FAAH2: variants seen among roughly 807,000 people sequenced by gnomAD.
FAAH2 encodes the protein fatty acid amide hydrolase 2.
In FAAH2, 60 loss-of-function variants were observed where a neutral mutation model predicts 36.9. The observed-to-expected ratio is 1.63, with a 90% CI of 1.32 to 2.02. The LOEUF is 2.02. Ranked by LOEUF, FAAH2 falls within the 30% of genes most tolerant of loss-of-function variation. The pLI is 0.00. For synonymous variants in FAAH2, 214 were observed against 143.8 expected, an observed-to-expected ratio of 1.49 and a Z score of -3.49; for missense variants, 689 against 397.5, an observed-to-expected ratio of 1.73 and a Z score of -6.23.
intron 10 of FAAH2, among the ~76,000 whole-genome samples, chrX:57,475,411 T>A (rs747071105): frequency 8.9e-6 from 1 of 112,427 alleles, no homozygotes; most frequent in East Asian, 2.8e-4. Flanking sequence ...TTTCTGCATA[T>A]GGCTAGCCAG....
chrX:57,195,172 T>G, the FAAH2 span, among the ~76,000 whole-genome samples: 2 of 112,206 alleles, frequency 1.8e-5, no homozygotes, highest in African/African-American at 6.5e-5. Context: ...TTTTAGTTCT[T>G]TATGGAATTT....
chrX:57,271,892 C>T, the FAAH2 span, among the ~76,000 whole-genome samples: 1 of 110,521 alleles, frequency 9.0e-6, no homozygotes. Context: ...CAAAACTGGA[C>T]AGAGAATGCA....
chrX:57,166,481 G>T, the FAAH2 span, among the ~76,000 whole-genome samples: 2 of 111,705 alleles, frequency 1.8e-5, no homozygotes, highest in African/African-American at 6.5e-5. Context: ...TCCCCCTAAG[G>T]GTATACCGAG....
the FAAH2 span, among the ~76,000 whole-genome samples, chrX:57,182,983 C>A: frequency 9.1e-6 from 1 of 110,122 alleles, no homozygotes. Context: ...TAAGTGGAAG[C>A]TAAATGATGA....
At chrX:57,240,887 A>C in the FAAH2 span, among the ~76,000 whole-genome samples, 1 of 112,303 alleles carries the variant, frequency 8.9e-6, no homozygotes, top group Non-Finnish European at 1.9e-5. Flanking sequence ...AGATAGGGGG[A>C]TGCTCAGATC....
At chrX:57,207,866 C>G in the FAAH2 span, among the ~76,000 whole-genome samples, 44 of 112,966 alleles carry the variant, frequency 3.9e-4, no homozygotes, top group African/African-American at 1.3e-3. Flanking sequence ...ACACTACTGG[C>G]TGTGTCAGGG....
intron 10 of FAAH2, among the ~76,000 whole-genome samples, chrX:57,471,333 A>G (rs933124373): frequency 1.8e-5 from 2 of 112,099 alleles, no homozygotes; most frequent in African/African-American, 6.5e-5. Flanking sequence ...ACAAGATTGT[A>G]AATCTAGAAA....
At chrX:57,384,478 G>GA (rs1275606618) in intron 7 of FAAH2, among the ~76,000 whole-genome samples, 2 of 108,660 alleles carry the variant, frequency 1.8e-5, no homozygotes, top group Non-Finnish European at 3.8e-5. Context: ...AAATTTACAA[G>GA]AAAAAAACAA....
At chrX:57,357,562 G>T (rs377064635) in intron 5 of FAAH2, among the ~76,000 whole-genome samples, 1 of 111,964 alleles carries the variant, frequency 8.9e-6, no homozygotes, top group East Asian at 2.8e-4. Context: ...AGACATTTAT[G>T]CAGACAACAA....
chrX:57,309,240 T>A (rs899614195), intron 2 of FAAH2, among the ~76,000 whole-genome samples: 4 of 111,899 alleles, frequency 3.6e-5, no homozygotes, highest in African/African-American at 1.3e-4. Flanking sequence ...GCTGTAATTA[T>A]GTCCATTATA....
intron 9 of FAAH2, among the ~76,000 whole-genome samples, chrX:57,447,743 T>TA (rs34065027): frequency 9.1e-6 from 1 of 110,117 alleles, no homozygotes; most frequent in Non-Finnish European, 1.9e-5. Flanking sequence ...GTCCCTGGGC[T>TA]CACACAGCAA....
At chrX:57,387,424 T>C (rs2055052711) in intron 7 of FAAH2, among the ~76,000 whole-genome samples, 1 of 110,254 alleles carries the variant, frequency 9.1e-6, no homozygotes, top group Non-Finnish European at 1.9e-5. Flanking sequence ...ACGATGAAAA[T>C]GAGAAAAACC....
chrX:57,464,116 T>C (rs1052960940), intron 10 of FAAH2, among the ~76,000 whole-genome samples: 4 of 111,804 alleles, frequency 3.6e-5, no homozygotes, highest in Admixed American at 9.5e-5. Flanking sequence ...GGGACTTGGA[T>C]GAAGCTGGAA....
At chrX:57,224,674 C>T in the FAAH2 span, among the ~76,000 whole-genome samples, 3 of 112,373 alleles carry the variant, frequency 2.7e-5, no homozygotes, top group East Asian at 2.8e-4. Context: ...GTAGCAGTTA[C>T]GTCAGACCAG....
the FAAH2 span, among the ~76,000 whole-genome samples, chrX:57,265,789 C>A: frequency 2.7e-5 from 3 of 111,674 alleles, no homozygotes; most frequent in African/African-American, 9.8e-5. Flanking sequence ...AGAGCCCAAG[C>A]CAACCTGGGG....
intron 10 of FAAH2, among the ~76,000 whole-genome samples, chrX:57,475,618 A>G (rs2057252109): frequency 9.0e-6 from 1 of 111,721 alleles, no homozygotes; most frequent in African/African-American, 3.3e-5. Flanking sequence ...GTTTTAAGTC[A>G]GGTAGCATGA....
the FAAH2 span, among the ~76,000 whole-genome samples, chrX:57,150,216 C>T: frequency 8.9e-6 from 1 of 111,901 alleles, no homozygotes; most frequent in African/African-American, 3.3e-5. Context: ...TGATGTGGTG[C>T]TGAAAAGAAT....
chrX:57,243,082 A>G, the FAAH2 span, among the ~76,000 whole-genome samples: 90 of 111,427 alleles, frequency 8.1e-4, no homozygotes, highest in African/African-American at 2.8e-3. Flanking sequence ...GGTGTCCACT[A>G]TTACTAAGGC....
In FAAH2 at chrX:57,358,113, C is replaced by T. The variant is rs1244771783; in HGVS notation, c.742+16723C>T. 9.1e-5 allele frequency among the ~76,000 whole-genome samples: 10 copies of T among 109,467 alleles called. No individual in the cohort carries two copies. The South Asian group carries it at 2.8e-3, about 30-fold the overall frequency. ...GTTGGCTTTATAGTGTTCTTCTTTG[C>T]CTAGTCCCTTGAGGTGAAAAGTTAG... On this transcript the variant is annotated intron_variant, in intron 5 of 10. Transcript: ENST00000374900.
Sources: gnomAD v4.1 joint callset for allele counts (sites outside exome capture counted in the v4.1 genomes callset) on GRCh38, gnomAD v4.1.1 for gene constraint, MANE v1.5 for transcripts, NCBI Gene and HGNC (gene_info 2026-07-23, HGNC 2026-07-21) for gene names.